Variants in KCNT2 observed in about 807,000 individuals in gnomAD.
KCNT2 encodes potassium channel subfamily T member 2.
A neutral mutation model predicts 153.8 loss-of-function variants in KCNT2; 67 were observed. That is an observed-to-expected ratio of 0.44 (90% CI 0.36 to 0.53). The LOEUF (loss-of-function observed/expected upper bound fraction) is 0.53, where lower values mean the gene tolerates loss of function less well. Ranked by LOEUF, KCNT2 falls within the 20% of genes least tolerant of loss-of-function variation. The pLI is 0.00. For missense variants in KCNT2, 975 were observed against 1,354.8 expected, an observed-to-expected ratio of 0.72 and a Z score of 4.40; for synonymous variants, 500 against 458.8, an observed-to-expected ratio of 1.09 and a Z score of -1.15.
At chr1:196,512,826 A>C (rs1479228907) in intron 1 of KCNT2, among the ~76,000 whole-genome samples, 1 of 152,184 alleles carries the variant, frequency 6.6e-6, no homozygotes, top group Admixed American at 6.5e-5. Flanking sequence ...AAATAGCAAC[A>C]AAGTATTTCA....
chr1:196,519,191 T>C (rs1653013262), intron 1 of KCNT2, among the ~76,000 whole-genome samples: 1 of 152,180 alleles, frequency 6.6e-6, no homozygotes, highest in South Asian at 2.1e-4. Flanking sequence ...TGCTCCTCAA[T>C]GACTTTGGAG....
rs972562899 is a variant in KCNT2 at position 196,399,640 on chromosome 1, TAGA to T, written c.1186-972_1186-970del. 8.6e-5 allele frequency among the ~76,000 whole-genome samples: 13 copies of T among 151,820 alleles called. No individual in the cohort carries two copies. The South Asian group carries it at 2.5e-3, about 29-fold the overall frequency. ...GAGGGACTGTTTATCCAAATGCAGATAGAAGAAGTTGTTATTTATGGTTGGAAA... is the reference window on the plus strand; with the variant it reads ...GAGGGACTGTTTATCCAAATGCAGATAGAAGTTGTTATTTATGGTTGGAAA... On this transcript the variant is annotated intron_variant, in intron 12 of 27. Transcript: ENST00000294725.
At chr1:196,328,192 A>G (rs1279137002) in intron 18 of KCNT2, among the ~76,000 whole-genome samples, 3 of 152,184 alleles carry the variant, frequency 2.0e-5, no homozygotes, top group Non-Finnish European at 4.4e-5. Flanking sequence ...TATTAAAAAT[A>G]ATACCTAAAT....
At position 196,492,349 on chromosome 1, in the gene KCNT2, C is replaced by A; in HGVS notation, c.96-8G>T. ...TAGAATTCAACTTGTACCCTGCAAA[C>A]AGAAAATAAAAACATGTAAATGTAT... On this transcript the variant is annotated splice_polypyrimidine_tract_variant and splice_region_variant and intron_variant, in intron 1 of 27. Transcript: ENST00000294725. The A allele has an allele frequency of 7.3e-7, 1 of 1,363,758 alleles. No individual in the cohort carries two copies. Among genetic ancestry groups the A allele is most frequent in the Non-Finnish European group, 9.7e-7 (1 of 1,027,054 alleles). The allele number at this position is 1,363,758 out of a possible 1,614,324, so 84.5% of individuals were successfully genotyped here.
At position 196,226,417 on chromosome 1, in the gene KCNT2, G is replaced by A. The variant is rs534553650; in HGVS notation, c.*1807C>T. The A allele has an allele frequency of 1.9e-4, 29 of 151,820 alleles. No homozygotes were observed. In the East Asian group the frequency reaches 2.5e-3, roughly 13 times the overall value. 9.4% of individuals were successfully genotyped at this position (151,820 alleles called of 1,614,324 possible). On this transcript the variant is annotated 3_prime_UTR_variant, in exon 28 of 28. Coordinates refer to ENST00000294725, the MANE Select transcript of KCNT2 (RefSeq NM_198503.5). Reference sequence around the variant, plus strand: ...AATGTGTGTGTCAAATATATTTCACGTTTATAACATATACACATATATGCA... The same window carrying A: ...AATGTGTGTGTCAAATATATTTCACATTTATAACATATACACATATATGCA...
intron 1 of KCNT2, among the ~76,000 whole-genome samples, chr1:196,541,857 T>C (rs1004559562): frequency 1.2e-4 from 19 of 152,148 alleles, no homozygotes; most frequent in African/African-American, 4.1e-4. Context: ...TATTGATTAG[T>C]AATATATTTA....
At chr1:196,383,900 GC>G in intron 13 of KCNT2, among the ~76,000 whole-genome samples, 1 of 152,230 alleles carries the variant, frequency 6.6e-6, no homozygotes, top group Non-Finnish European at 1.5e-5. Context: ...TCTTTGGCCA[GC>G]TATACCTTGC....
chr1:196,558,712 A>G (rs191485794), intron 1 of KCNT2, among the ~76,000 whole-genome samples: 1 of 151,670 alleles, frequency 6.6e-6, no homozygotes, highest in East Asian at 1.9e-4. Context: ...AAGGGATTCT[A>G]TTTATTACTC....
chr1:196,376,149 G>A (rs1183975171), intron 13 of KCNT2, among the ~76,000 whole-genome samples: 2 of 151,576 alleles, frequency 1.3e-5, no homozygotes, highest in Non-Finnish European at 3.0e-5. Flanking sequence ...AATAGCCAAA[G>A]TTTATGGATT....
intron 1 of KCNT2, among the ~76,000 whole-genome samples, chr1:196,529,054 T>C (rs937140139): frequency 1.4e-4 from 21 of 152,096 alleles, no homozygotes; most frequent in African/African-American, 4.1e-4. Context: ...ATAGCAATGA[T>C]AGAGAAAAGA....
At chr1:196,552,713 T>C (rs1658077528) in intron 1 of KCNT2, among the ~76,000 whole-genome samples, 1 of 151,352 alleles carries the variant, frequency 6.6e-6, no homozygotes, top group South Asian at 2.1e-4. Flanking sequence ...AACTACAACT[T>C]TTGAAGACAT....
intron 8 of KCNT2, among the ~76,000 whole-genome samples, chr1:196,443,282 C>T (rs1675401913): frequency 6.6e-6 from 1 of 151,426 alleles, no homozygotes; most frequent in Admixed American, 6.6e-5. Flanking sequence ...TAATGAAAGC[C>T]ATAGTAACTG....
At chr1:196,396,931 G>C (rs1670987291) in intron 13 of KCNT2, among the ~76,000 whole-genome samples, 1 of 151,268 alleles carries the variant, frequency 6.6e-6, no homozygotes, top group African/African-American at 2.4e-5. Context: ...AGCCTGCTCT[G>C]AATTTTAGTT....
At chr1:196,563,584 A>AT (rs1659712987) in intron 1 of KCNT2, among the ~76,000 whole-genome samples, 1 of 151,946 alleles carries the variant, frequency 6.6e-6, no homozygotes, top group Non-Finnish European at 1.5e-5. Flanking sequence ...AGAAAATTTT[A>AT]GCATAATATG....
chr1:196,435,135 G>GTGTGTATATATATA (rs747899287), intron 8 of KCNT2, among the ~76,000 whole-genome samples: 1 of 76,872 alleles, frequency 1.3e-5, no homozygotes, highest in African/African-American at 4.8e-5. Context: ...GTGTGTGTGT[G>GTGTGTATATATATA]TATGTATATA....
chr1:196,299,161 C>CT (rs895839425), intron 22 of KCNT2, among the ~76,000 whole-genome samples: 2 of 151,754 alleles, frequency 1.3e-5, no homozygotes, highest in Admixed American at 6.6e-5. Context: ...AAAAATTTCC[C>CT]TTTTTTTTCT....
intron 20 of KCNT2, among the ~76,000 whole-genome samples, chr1:196,317,522 C>A (rs1174406790): frequency 1.3e-5 from 2 of 151,614 alleles, no homozygotes; most frequent in African/African-American, 4.8e-5. Context: ...TGTCTTCACA[C>A]CACCTTATCA....
At chr1:196,382,028 T>C (rs1347817089) in intron 13 of KCNT2, among the ~76,000 whole-genome samples, 1 of 152,070 alleles carries the variant, frequency 6.6e-6, no homozygotes, top group African/African-American at 2.4e-5. Flanking sequence ...ACAGATACTT[T>C]GCCTGCTCTG....
At chr1:196,564,841 A>T (rs1352246566) in intron 1 of KCNT2, among the ~76,000 whole-genome samples, 3 of 151,866 alleles carry the variant, frequency 2.0e-5, no homozygotes, top group African/African-American at 7.2e-5. Context: ...TTAACTAAAG[A>T]CCTAAATACA....
Sources: allele counts gnomAD v4.1 joint callset (sites outside exome capture counted in the v4.1 genomes callset), GRCh38; gene constraint gnomAD v4.1.1; transcripts MANE v1.5; gene names NCBI Gene and HGNC (gene_info 2026-07-23, HGNC 2026-07-21).